DPP10: variants seen among roughly 807,000 people sequenced by gnomAD.
DPP10 encodes the protein dipeptidyl peptidase like 10.
In DPP10, 33 loss-of-function variants were observed where a neutral mutation model predicts 120.9. The ratio of observed to expected loss-of-function variants is 0.27; its 90% CI spans 0.21 to 0.37. The LOEUF (loss-of-function observed/expected upper bound fraction) is 0.37. Ranked by LOEUF, DPP10 falls within the 10% of genes least tolerant of loss-of-function variation. DPP10 has a pLI of 1.00. For synonymous variants in DPP10, 337 were observed against 326.1 expected (o/e 1.03, Z -0.36); for missense variants, 816 against 942.8 (o/e 0.87, Z 1.76).
chr2:114,592,127 T>C (rs1398660479), intron 1 of DPP10, among the ~76,000 whole-genome samples: 3 of 152,150 alleles, frequency 2.0e-5, no homozygotes, highest in African/African-American at 4.8e-5. Context: ...TTAAATGGAG[T>C]TTCTTTCGAA....
At chr2:115,212,250 C>G (rs989516738) in intron 1 of DPP10, among the ~76,000 whole-genome samples, 15 of 152,072 alleles carry the variant, frequency 9.9e-5, no homozygotes, top group African/African-American at 3.6e-4. Context: ...CATGACCCTT[C>G]ATTACAGACT....
chr2:115,173,919 G>A (rs1283780688), intron 1 of DPP10, among the ~76,000 whole-genome samples: 2 of 152,200 alleles, frequency 1.3e-5, no homozygotes, highest in African/African-American at 4.8e-5. Context: ...GTAGAAAGAA[G>A]AGTTCCTCCC....
chr2:115,058,711 A>G (rs1706149202), intron 1 of DPP10, among the ~76,000 whole-genome samples: 1 of 151,734 alleles, frequency 6.6e-6, no homozygotes, highest in Non-Finnish European at 1.5e-5. Flanking sequence ...TCTTTGTCTT[A>G]TTTTTGCAGC....
At chr2:115,474,132 TG>T (rs1183944861) in intron 3 of DPP10, among the ~76,000 whole-genome samples, 2 of 152,192 alleles carry the variant, frequency 1.3e-5, no homozygotes, top group Non-Finnish European at 2.9e-5. Flanking sequence ...GCAATGGCAA[TG>T]GCAATTATGA....
At chr2:115,684,038 T>C in intron 5 of DPP10, among the ~76,000 whole-genome samples, 1 of 152,008 alleles carries the variant, frequency 6.6e-6, no homozygotes, top group East Asian at 1.9e-4. Context: ...GTTATAAATC[T>C]ATCCAAACCT....
At chr2:115,729,655 A>T (rs2092850759) in intron 8 of DPP10, among the ~76,000 whole-genome samples, 1 of 152,178 alleles carries the variant, frequency 6.6e-6, no homozygotes, top group Admixed American at 6.5e-5. Context: ...CTGTGTTCCC[A>T]GCTGAAGTGA....
chr2:115,400,493 T>C (rs938598132), intron 3 of DPP10, among the ~76,000 whole-genome samples: 2 of 132,130 alleles, frequency 1.5e-5, no homozygotes, highest in Non-Finnish European at 3.5e-5. Context: ...AAAAAAAAAA[T>C]CTTCAGTTCA....
intron 1 of DPP10, among the ~76,000 whole-genome samples, chr2:115,275,723 G>A (rs1236080959): frequency 8.0e-6 from 1 of 124,482 alleles, no homozygotes; most frequent in African/African-American, 3.0e-5. Flanking sequence ...TTTTTGAGAC[G>A]GAGTCTCGCT....
intron 1 of DPP10, among the ~76,000 whole-genome samples, chr2:115,227,660 C>G (rs1243691087): frequency 6.6e-6 from 1 of 152,094 alleles, no homozygotes; most frequent in African/African-American, 2.4e-5. Flanking sequence ...TAAATAAAAT[C>G]AGACAATATG....
intron 1 of DPP10, among the ~76,000 whole-genome samples, chr2:114,865,859 TC>T (rs1307554715): frequency 6.6e-6 from 1 of 152,136 alleles, no homozygotes; most frequent in Non-Finnish European, 1.5e-5. Flanking sequence ...ACACCTGTAA[TC>T]CCAGCATTTT....
In DPP10 at chr2:115,739,787, A is replaced by G; in HGVS notation, c.746A>G (p.Glu249Gly). The change falls in exon 9 of 26, where the codon GAA becomes GGA. Residue 249 changes from glutamate to glycine, a missense_variant. Coordinates refer to ENST00000410059, the MANE Select transcript of DPP10 (RefSeq NM_020868.6). ...GCCCACTGGTGGTCACCAGATGGAG[A>G]AAGACTTGCCTTCCTGATGATAAAT... is the stretch of plus-strand genomic sequence containing the variant. ...HIAHWWSPDG[E>G]RLAFLMINDS... 2 of 1,613,522 alleles carry G rather than the reference A, an allele frequency of 1.2e-6. No individual in the cohort carries two copies. The highest frequency in any genetic ancestry group is 2.2e-5 in the South Asian group (2 of 91,076).
chr2:115,165,887 T>C (rs2052801051), intron 1 of DPP10, among the ~76,000 whole-genome samples: 1 of 152,190 alleles, frequency 6.6e-6, no homozygotes, highest in South Asian at 2.1e-4. Flanking sequence ...AAGCAACTAT[T>C]TGACTACAAA....
chr2:115,607,033 GGGAA>G (rs1393444154), intron 5 of DPP10, among the ~76,000 whole-genome samples: 44 of 152,120 alleles, frequency 2.9e-4, no homozygotes, highest in Admixed American at 9.2e-4. Context: ...TCAAAAGGTA[GGGAA>G]GGCAAGGATC....
chr2:114,686,608 A>G (rs1699385320), intron 1 of DPP10, among the ~76,000 whole-genome samples: 1 of 151,928 alleles, frequency 6.6e-6, no homozygotes, highest in South Asian at 2.1e-4. Flanking sequence ...ACTAGGGGCA[A>G]TGACTCTGAA....
intron 5 of DPP10, among the ~76,000 whole-genome samples, chr2:115,575,048 C>G (rs1467761102): frequency 1.3e-5 from 2 of 152,188 alleles, no homozygotes; most frequent in East Asian, 3.9e-4. Flanking sequence ...TTGTACAGCA[C>G]CTTCAACATT....
chr2:115,002,328 GT>G (rs1158311549), intron 1 of DPP10, among the ~76,000 whole-genome samples: 1 of 152,088 alleles, frequency 6.6e-6, no homozygotes, highest in Non-Finnish European at 1.5e-5. Context: ...ATACGGAGTG[GT>G]TTGAAAATGA....
At chr2:114,952,704 G>A (rs142674743) in intron 1 of DPP10, among the ~76,000 whole-genome samples, 1 of 152,162 alleles carries the variant, frequency 6.6e-6, no homozygotes, top group Non-Finnish European at 1.5e-5. Flanking sequence ...ACATGTGTTG[G>A]GGAAGGGTGA....
intron 1 of DPP10, among the ~76,000 whole-genome samples, chr2:114,556,234 C>CATACAT (rs368351720): frequency 1.2e-5 from 1 of 86,952 alleles, no homozygotes; most frequent in African/African-American, 4.6e-5. Flanking sequence ...ATAGATGATA[C>CATACAT]ATATATATAT....
chr2:115,505,875 T>C (rs1273712930), intron 4 of DPP10, among the ~76,000 whole-genome samples: 1 of 152,154 alleles, frequency 6.6e-6, no homozygotes, highest in Non-Finnish European at 1.5e-5. Context: ...AGCTGATGAA[T>C]ATGTTAATTA....
Sources: allele counts gnomAD v4.1 joint callset (sites outside exome capture counted in the v4.1 genomes callset), GRCh38; gene constraint gnomAD v4.1.1; transcripts MANE v1.5; gene names NCBI Gene and HGNC (gene_info 2026-07-23, HGNC 2026-07-21).